The following NTM variants were observed in gnomAD, a reference collection of about 807,000 sequenced individuals.
NTM encodes the protein neurotrimin.
In NTM, 13 loss-of-function variants were observed where a neutral mutation model predicts 42.1. That is an observed-to-expected ratio of 0.31 (90% CI 0.20 to 0.49). NTM has a LOEUF of 0.49. Among genes scored for constraint, NTM ranks in the 20% least tolerant of loss-of-function variants. The pLI is 0.99. For synonymous variants in NTM, 187 were observed against 179.2 expected (o/e 1.04, Z -0.35); for missense variants, 373 against 452.8 (o/e 0.82, Z 1.60).
chr11:131,479,272 A>T (rs1173992063), intron 1 of NTM, among the ~76,000 whole-genome samples: 2 of 152,186 alleles, frequency 1.3e-5, no homozygotes, highest in South Asian at 2.1e-4. Flanking sequence ...TGCTAATAGA[A>T]GTCTCCATAC....
intron 1 of NTM, among the ~76,000 whole-genome samples, chr11:131,866,969 G>T (rs1328891705): frequency 6.6e-6 from 1 of 152,180 alleles, no homozygotes; most frequent in Non-Finnish European, 1.5e-5. Context: ...AGGACAGTGC[G>T]CGGCAGCCAA....
intron 4 of NTM, among the ~76,000 whole-genome samples, chr11:132,253,039 G>A (rs896303416): frequency 6.6e-6 from 1 of 152,196 alleles, no homozygotes; most frequent in Non-Finnish European, 1.5e-5. Context: ...TGATTCTAAA[G>A]CCATAGTAGG....
At chr11:132,316,069 T>G (rs1352816012) in intron 7 of NTM, among the ~76,000 whole-genome samples, 1 of 152,132 alleles carries the variant, frequency 6.6e-6, no homozygotes, top group African/African-American at 2.4e-5. Context: ...ACCCAAGTCC[T>G]GCTCTCCACC....
At chr11:132,148,814 G>A (rs1451440315) in intron 3 of NTM, among the ~76,000 whole-genome samples, 2 of 152,158 alleles carry the variant, frequency 1.3e-5, no homozygotes, top group African/African-American at 2.4e-5. Flanking sequence ...GGGGTGAGAT[G>A]ATGGGAGGGG....
intron 1 of NTM, among the ~76,000 whole-genome samples, chr11:131,582,775 A>G (rs1565664835): frequency 1.3e-5 from 2 of 151,628 alleles, no homozygotes; most frequent in Admixed American, 6.6e-5. Context: ...ACAAACAACA[A>G]CCCCCACGCC....
intron 1 of NTM, among the ~76,000 whole-genome samples, chr11:131,651,607 C>T (rs570436134): frequency 1.1e-4 from 17 of 152,144 alleles, no homozygotes; most frequent in African/African-American, 3.1e-4. Flanking sequence ...TTTGAGAGAC[C>T]GAGGCAGGTG....
intron 2 of NTM, among the ~76,000 whole-genome samples, chr11:132,014,743 T>TTG: frequency 6.9e-6 from 1 of 144,050 alleles, no homozygotes; most frequent in Non-Finnish European, 1.5e-5. Flanking sequence ...CTTGTTTTTT[T>TTG]TTTTTTTTTT....
intron 4 of NTM, among the ~76,000 whole-genome samples, chr11:132,235,616 T>C (rs2088661104): frequency 1.3e-5 from 2 of 152,194 alleles, no homozygotes; most frequent in South Asian, 2.1e-4. Flanking sequence ...GGGCTTTTTA[T>C]CAATTAGCTG....
intron 2 of NTM, among the ~76,000 whole-genome samples, chr11:132,140,183 ACATTCCTTGTAG>A (rs1249111026): frequency 1.3e-5 from 2 of 152,182 alleles, no homozygotes; most frequent in African/African-American, 2.4e-5. Flanking sequence ...CAGAGCTGGG[ACATTCCTTGTAG>A]CAGTCAGACT....
chr11:131,720,206 A>G (rs1194561764), intron 1 of NTM, among the ~76,000 whole-genome samples: 1 of 152,228 alleles, frequency 6.6e-6, no homozygotes, highest in Non-Finnish European at 1.5e-5. Flanking sequence ...GACATAAGGT[A>G]CTGCATTTAA....
chr11:131,562,548 C>T (rs1009773326), intron 1 of NTM, among the ~76,000 whole-genome samples: 2 of 152,002 alleles, frequency 1.3e-5, no homozygotes, highest in Non-Finnish European at 2.9e-5. Flanking sequence ...GGAGGCCCGG[C>T]AGAGACCATG....
intron 1 of NTM, among the ~76,000 whole-genome samples, chr11:131,873,586 CCGTATATATATACATATATATAT>C (rs2048061043): frequency 5.0e-5 from 2 of 40,010 alleles, no homozygotes; most frequent in African/African-American, 1.1e-4. Flanking sequence ...TATATATATA[CCGTATATATATACATATATATAT>C]ACCGTATATA....
chr11:131,585,830 T>G (rs533546064), intron 1 of NTM, among the ~76,000 whole-genome samples: 9 of 152,234 alleles, frequency 5.9e-5, no homozygotes, highest in South Asian at 4.1e-4. Flanking sequence ...TTTCCCACTG[T>G]GGCTCCAGGC....
chr11:132,228,358 G>A (rs1447501174), intron 4 of NTM, among the ~76,000 whole-genome samples: 1 of 152,166 alleles, frequency 6.6e-6, no homozygotes, highest in Non-Finnish European at 1.5e-5. Flanking sequence ...TTAGGGATGA[G>A]GGAGAGCTCA....
intron 1 of NTM, among the ~76,000 whole-genome samples, chr11:131,583,953 T>C (rs999090150): frequency 5.9e-5 from 9 of 152,192 alleles, no homozygotes; most frequent in African/African-American, 2.2e-4. Context: ...TAGGCACTGT[T>C]AGAATGAAGC....
At chr11:131,981,143 C>T (rs2282516) in intron 2 of NTM, 23,831 of 152,168 alleles carry the variant, frequency 0.16, 2,109 homozygotes, top group East Asian at 0.42. Context: ...AATGCAACTG[C>T]AGCCTGAAGA....
chr11:131,680,627 CTG>C (rs34021892), intron 1 of NTM, among the ~76,000 whole-genome samples: 1 of 202 alleles, frequency 5.0e-3, no homozygotes, highest in African/African-American at 0.015. Context: ...CTGTGAGTGC[CTG>C]TGTGTGTGTC....
intron 2 of NTM, among the ~76,000 whole-genome samples, chr11:132,097,478 C>T (rs377221277): frequency 1.2e-4 from 18 of 152,304 alleles, no homozygotes; most frequent in Admixed American, 6.5e-5. Flanking sequence ...GTCACTTGTC[C>T]GTCCTGTGTC....
At chr11:132,248,770 A>T (rs1004063269) in intron 4 of NTM, among the ~76,000 whole-genome samples, 3 of 152,240 alleles carry the variant, frequency 2.0e-5, no homozygotes, top group Admixed American at 1.3e-4. Flanking sequence ...GGAAACATGT[A>T]TCAGCCACTC....
Sources: allele counts gnomAD v4.1 joint callset (sites outside exome capture counted in the v4.1 genomes callset), GRCh38; gene constraint gnomAD v4.1.1; transcripts MANE v1.5; gene names NCBI Gene and HGNC (gene_info 2026-07-23, HGNC 2026-07-21).